The following RFTN1 variants were observed in gnomAD, a reference collection of about 807,000 sequenced individuals.
RFTN1 encodes raftlin, lipid raft linker 1, also known as raftlin.
A neutral mutation model predicts 46.5 loss-of-function variants in RFTN1; 26 were observed. The ratio of observed to expected loss-of-function variants is 0.56; its 90% CI spans 0.41 to 0.78. RFTN1 has a LOEUF of 0.78. Ranked by LOEUF, RFTN1 falls within the 30% of genes least tolerant of loss-of-function variation. The probability of loss-of-function intolerance (pLI) is 0.00; values close to 1 mark genes in which losing one functional copy is unlikely to be tolerated. For synonymous variants in RFTN1, 261 were observed against 284.2 expected, an observed-to-expected ratio of 0.92 and a Z score of 0.82; for missense variants, 693 against 718.7, an observed-to-expected ratio of 0.96 and a Z score of 0.41.
In RFTN1 at chr3:16,361,239, A is replaced by G. The variant is rs773748821; in HGVS notation, c.1031-3192T>C. ...ATATAGGGCCTCAGAAGGGTGAGTG[A>G]CATGTTACTGGAGTTCAAGTGCACT... On this transcript the variant is annotated intron_variant, in intron 6 of 9. Transcript: ENST00000334133. The surrounding 1 kb of genome is among the most constrained non-coding windows in gnomAD (Gnocchi z 4.3). Among the ~76,000 whole-genome samples the G allele has an allele frequency of 6.6e-6, 1 of 152,194 alleles. No individual in the cohort carries two copies. The highest frequency in any genetic ancestry group is 1.5e-5 in the Non-Finnish European group (1 of 68,038).
Position 16,484,509 on chromosome 3 carries a change from T to C in RFTN1, c.145+9216A>G, listed in dbSNP as rs1296237540. The stretch of plus-strand genomic sequence containing the variant: ...CGAAAATCAGTTCTTAAAGTCCTCT[T>C]AGACAGGAAAACCACAAAGATGGGA... On this transcript the variant is annotated intron_variant, in intron 2 of 9. Transcript: ENST00000334133. This position sits in a 1 kb window ranked among gnomAD's most constrained non-coding sequence, Gnocchi z 4.6. 6.6e-6 allele frequency among the ~76,000 whole-genome samples: 1 copy of C among 152,168 alleles called. No homozygotes were observed. Among genetic ancestry groups the C allele is most frequent in the Non-Finnish European group, 1.5e-5 (1 of 68,022 alleles).
chr3:16,505,053 A>C (rs1421454040), intron 1 of RFTN1, among the ~76,000 whole-genome samples: 1 of 151,986 alleles, frequency 6.6e-6, no homozygotes, highest in Non-Finnish European at 1.5e-5. Flanking sequence ...TCTCCAAACC[A>C]ATCTGCCATC....
At chr3:16,482,451 T>G (rs2076382044) in intron 2 of RFTN1, among the ~76,000 whole-genome samples, 1 of 152,140 alleles carries the variant, frequency 6.6e-6, no homozygotes, top group Non-Finnish European at 1.5e-5. Context: ...ACATCAAAGC[T>G]GGGGTCCTTG....
At chr3:16,363,673 A>G (rs192101810) in intron 6 of RFTN1, among the ~76,000 whole-genome samples, 1 of 152,364 alleles carries the variant, frequency 6.6e-6, no homozygotes, top group East Asian at 1.9e-4. Flanking sequence ...ACAAGCGGTC[A>G]ATGCATTTGG....
intron 3 of RFTN1, among the ~76,000 whole-genome samples, chr3:16,416,750 A>C (rs1033412343): frequency 6.6e-6 from 1 of 152,198 alleles, no homozygotes; most frequent in Admixed American, 6.5e-5. Context: ...TAAGAGGAAA[A>C]TAAACCTTCA....
In RFTN1 at chr3:16,387,570, T is replaced by TTCTCTCTCTCTG. The variant is rs2074224092; in HGVS notation, c.442-9469_442-9468insCAGAGAGAGAGA. ...CACTTCTCTCTTCTATATCCTCAAT[T>TTCTCTCTCTCTG]TCTCTCTCTCTCTCTCTCTCTCTCT... On this transcript the variant is annotated intron_variant, in intron 4 of 9. Coordinates refer to ENST00000334133, the MANE Select transcript of RFTN1 (RefSeq NM_015150.2). This position sits in a 1 kb window ranked among gnomAD's most constrained non-coding sequence, Gnocchi z 5.2. Among the ~76,000 whole-genome samples the TTCTCTCTCTCTG allele has an allele frequency of 8.6e-6, 1 of 116,418 alleles. No individual in the cohort carries two copies. The highest frequency in any genetic ancestry group is 3.9e-5 in the African/African-American group (1 of 25,514). The allele number at this position is 116,418 out of a possible 152,430, so 76.4% of individuals were successfully genotyped here.
intron 2 of RFTN1, among the ~76,000 whole-genome samples, chr3:16,477,084 T>C (rs895193841): frequency 1.3e-5 from 2 of 152,200 alleles, no homozygotes; most frequent in African/African-American, 4.8e-5. Context: ...TATTACACTA[T>C]TAAGGTAAAT....
chr3:16,386,450 A>G (rs1306442440), intron 4 of RFTN1, among the ~76,000 whole-genome samples: 2 of 152,212 alleles, frequency 1.3e-5, no homozygotes, highest in Non-Finnish European at 1.5e-5. Context: ...TGAGGCACAG[A>G]GATATTGGGC....
chr3:16,377,782 C>T lies in RFTN1; in HGVS notation c.762G>A (p.Val254=), dbSNP rs777076653. The T allele has an allele frequency of 1.2e-6, 2 of 1,614,036 alleles. No individual in the cohort carries two copies. The highest frequency in any genetic ancestry group is 1.7e-6 in the Non-Finnish European group (2 of 1,179,930). ...GDGGELSPQG[V]SKTLDGPESN... ...TCTCCGGTCCATCCAGTGTCTTGCT[C>T]ACCCCCTGTGGTGAAAGTTCTCCAC... The change falls in exon 5 of 10, where the codon GTG becomes GTA. Residue 254 remains valine (V), a synonymous_variant. Transcript: ENST00000334133.
Position 16,315,908 on chromosome 3 carries a change from C to T in RFTN1, c.*920G>A, listed in dbSNP as rs2068339540. On this transcript the variant is annotated 3_prime_UTR_variant, in exon 10 of 10. Coordinates refer to ENST00000334133, the MANE Select transcript of RFTN1 (RefSeq NM_015150.2). Reference sequence around the variant, plus strand: ...GTAACTAAACAAGAGAAGAGACAGGCTGTGGGTTTGGTCAAGACAATCAGC... The same window carrying T: ...GTAACTAAACAAGAGAAGAGACAGGTTGTGGGTTTGGTCAAGACAATCAGC... 6.6e-6 allele frequency: 1 copy of T among 152,188 alleles called. No individual in the cohort carries two copies. Among genetic ancestry groups the T allele is most frequent in the Non-Finnish European group, 1.5e-5 (1 of 68,050 alleles). 9.4% of individuals were successfully genotyped at this position (152,188 alleles called of 1,614,324 possible). A position where few individuals can be genotyped will look rare whatever the true frequency, so the allele number is the denominator to read the frequency against.
At chr3:16,445,049 T>G (rs2075700960) in intron 2 of RFTN1, among the ~76,000 whole-genome samples, 1 of 152,236 alleles carries the variant, frequency 6.6e-6, no homozygotes, top group Non-Finnish European at 1.5e-5. Flanking sequence ...ATGGTAAAAT[T>G]GGTTTCATTA....
Position 16,507,749 on chromosome 3 carries a change from A to G in RFTN1, c.-9+5693T>C, listed in dbSNP as rs575260679. 8.8e-4 allele frequency among the ~76,000 whole-genome samples: 133 copies of G among 151,746 alleles called. No homozygotes were observed. Among genetic ancestry groups the G allele is most frequent in the African/African-American group, 3.1e-3 (127 of 41,296 alleles). On this transcript the variant is annotated intron_variant, in intron 1 of 9. Transcript: ENST00000334133. This position sits in a 1 kb window ranked among gnomAD's most constrained non-coding sequence, Gnocchi z 7.1. ...CACAAACACATACACACATACATGCACACTCACATACACACAAACACACAC... is the reference window on the plus strand; with the variant it reads ...CACAAACACATACACACATACATGCGCACTCACATACACACAAACACACAC...
chr3:16,388,078 G>C (rs766200751), intron 4 of RFTN1, among the ~76,000 whole-genome samples: 1 of 152,172 alleles, frequency 6.6e-6, no homozygotes, highest in African/African-American at 2.4e-5. Context: ...CCCTGAAATG[G>C]GTCTTGCCCA....
chr3:16,316,745 G>C lies in RFTN1; in HGVS notation c.*83C>G. 13 of 1,554,602 alleles carry C rather than the reference G, an allele frequency of 8.4e-6. No individual in the cohort carries two copies. The highest frequency in any genetic ancestry group is 1.1e-5 in the Non-Finnish European group (12 of 1,130,068). ...AAAGGGTAGGTAACACACAACACCA[G>C]GGAAACCAGCCCCCAAACCAGCTGT... is the stretch of plus-strand genomic sequence containing the variant. On this transcript the variant is annotated 3_prime_UTR_variant, in exon 10 of 10. Coordinates refer to ENST00000334133, the MANE Select transcript of RFTN1 (RefSeq NM_015150.2). This position sits in a 1 kb window ranked among gnomAD's most constrained non-coding sequence, Gnocchi z 4.5.
intron 6 of RFTN1, among the ~76,000 whole-genome samples, chr3:16,362,838 G>C (rs1366611845): frequency 6.6e-6 from 1 of 152,154 alleles, no homozygotes; most frequent in Non-Finnish European, 1.5e-5. Flanking sequence ...CCAGAAGAGG[G>C]AAGGGGACAC....
intron 2 of RFTN1, among the ~76,000 whole-genome samples, chr3:16,491,050 C>T (rs1360949807): frequency 6.6e-6 from 1 of 151,862 alleles, no homozygotes; most frequent in East Asian, 1.9e-4. Flanking sequence ...GAAAGGCAGA[C>T]AACAAAGAGG....
intron 4 of RFTN1, among the ~76,000 whole-genome samples, chr3:16,404,344 A>AATATATATATACAATATATAATATATAAT (rs1222282655): frequency 4.0e-5 from 1 of 25,286 alleles, no homozygotes; most frequent in Admixed American, 6.4e-4. Flanking sequence ...TAATATATAT[A>AATATATATATACAATATATAATATATAAT]ATATATAATA....
Position 16,376,793 on chromosome 3 carries a change from G to T in RFTN1, c.826+925C>A, listed in dbSNP as rs867531164. 3.3e-5 allele frequency among the ~76,000 whole-genome samples: 5 copies of T among 152,302 alleles called. No individual in the cohort carries two copies. Among genetic ancestry groups the T allele is most frequent in the Middle Eastern group, 3.4e-3 (1 of 294 alleles). On this transcript the variant is annotated intron_variant, in intron 5 of 9. Coordinates refer to ENST00000334133, the MANE Select transcript of RFTN1 (RefSeq NM_015150.2). This position sits in a 1 kb window ranked among gnomAD's most constrained non-coding sequence, Gnocchi z 4.7. ...CATCCCATAATTTTCCTCTCAAGAA[G>T]TTCTGATGTAACAAAAGAAACTGTT...
rs2074628204 is a variant in RFTN1 at position 16,402,410 on chromosome 3, T to C, written c.441+6965A>G. On this transcript the variant is annotated intron_variant, in intron 4 of 9. Coordinates refer to ENST00000334133, the MANE Select transcript of RFTN1 (RefSeq NM_015150.2). This position sits in a 1 kb window ranked among gnomAD's most constrained non-coding sequence, Gnocchi z 4.5. The stretch of plus-strand genomic sequence containing the variant: ...CTGGGATGACACTCCATTTTCTGCC[T>C]TTACTTCCCCTCAACAACCCCCCTC... 6.6e-6 allele frequency among the ~76,000 whole-genome samples: 1 copy of C among 152,156 alleles called. No individual in the cohort carries two copies. Among genetic ancestry groups the C allele is most frequent in the Admixed American group, 6.5e-5 (1 of 15,276 alleles).
Sources: allele counts gnomAD v4.1 joint callset (sites outside exome capture counted in the v4.1 genomes callset), GRCh38; gene constraint gnomAD v4.1.1; non-coding constraint Gnocchi (gnomAD v3.1); transcripts MANE v1.5; gene names NCBI Gene and HGNC (gene_info 2026-07-23, HGNC 2026-07-21).